Variants in MYG1 observed in about 807,000 individuals in gnomAD.
The protein encoded by MYG1 is UPF0160 protein MYG1, mitochondrial.
Under a neutral mutation model 43.5 loss-of-function variants are expected in MYG1, and 36 were observed. That is an observed-to-expected ratio of 0.83 (90% CI 0.63 to 1.09). The LOEUF (loss-of-function observed/expected upper bound fraction) is 1.09. Ranked by LOEUF, MYG1 falls within the 50% of genes least tolerant of loss-of-function variation. The pLI, the probability that MYG1 is intolerant of heterozygous loss-of-function variation, is 0.00. For missense variants in MYG1, 529 were observed against 495.1 expected (o/e 1.07, Z -0.65); for synonymous variants, 220 against 202.8 (o/e 1.08, Z -0.72).
intron 3 of MYG1, 87 bp from the exon 4 acceptor site, chr12:53,305,821 G>A (rs1944271149): frequency 6.8e-7 from 1 of 1,471,826 alleles, no homozygotes; most frequent in Non-Finnish European, 9.1e-7. Context: ...AGGGCTGAAA[G>A]AGTGTGTATG....
Position 53,306,780 on chromosome 12 carries a change from T to A in MYG1, c.866T>A (p.Ile289Asn). Residue 289 changes from isoleucine to asparagine, a missense_variant, in exon 6 of 7, where the codon ATC becomes AAC. By Grantham distance (149) the Ile-to-Asn change is moderately radical. Coordinates refer to ENST00000267103, the MANE Select transcript of MYG1 (RefSeq NM_021640.4). ...TCTGGGCTGTCCCCTCCAGTGGCCA[T>A]CTTCTTTGTTATCTACACTGACCAG... is the stretch of plus-strand genomic sequence containing the variant. ...LESGLSPPVA[I>N]FFVIYTDQAG... is the part of the protein sequence containing the mutation. The A allele has an allele frequency of 6.2e-7, 1 of 1,614,122 alleles. No homozygotes were observed. The highest frequency in any genetic ancestry group is 8.5e-7 in the Non-Finnish European group (1 of 1,180,030).
At chr12:53,305,811 A>G in intron 3 of MYG1, 97 bp from the exon 4 acceptor site, 2 of 1,440,740 alleles carry the variant, frequency 1.4e-6, no homozygotes, top group Middle Eastern at 1.9e-4. Flanking sequence ...AGATCCTCAC[A>G]GGGCTGAAAG....
chr12:53,304,201 G>A (rs1218153412), intron 3 of MYG1, among the ~76,000 whole-genome samples: 2 of 152,092 alleles, frequency 1.3e-5, no homozygotes, highest in African/African-American at 2.4e-5. Flanking sequence ...AGAGTTTTTG[G>A]AATATCAAGA....
At chr12:53,305,622 CAA>C (rs879623974) in intron 3 of MYG1, 9 of 264,620 alleles carry the variant, frequency 3.4e-5, no homozygotes, top group Non-Finnish European at 5.0e-5. Context: ...CTTCCTTGTT[CAA>C]AAGTTAGCAG....
At chr12:53,302,478 C>T (rs1213478251) in intron 2 of MYG1, among the ~76,000 whole-genome samples, 1 of 152,166 alleles carries the variant, frequency 6.6e-6, no homozygotes. Flanking sequence ...AGGTAATCTC[C>T]TTGCATCTGT....
rs947477968 is a variant in MYG1, at chr12:53,306,315, T to A, written c.760T>A (p.Phe254Ile). 4 of 1,614,186 alleles carry A rather than the reference T, an allele frequency of 2.5e-6. No homozygotes were observed. The East Asian group carries it at 8.9e-5, about 36-fold the overall frequency. The change falls in exon 5 of 7, where the codon TTC becomes ATC. Residue 254 changes from phenylalanine to isoleucine, a missense_variant. Phe to Ile is a conservative substitution (Grantham distance 21). Coordinates refer to ENST00000267103, the MANE Select transcript of MYG1 (RefSeq NM_021640.4). ...GGTGGAAGAGGCCCTTGCCCAGCGA[T>A]TCCAGGTATAGGCCTTGGAGGAGGC... ...ALVEEALAQR[F>I]QVDPSGEIVE... is the part of the protein sequence containing the mutation.
In MYG1 at chr12:53,306,248, AT is replaced by A. The variant is rs1944278340; in HGVS notation, c.695del (p.Leu232Ter). Reference protein sequence around the residue: ...DLVQEEFLQRLDFYQHSWLPA... With the variant: ...DLVQEEFLQRXDFYQHSWLPA... The stretch of plus-strand genomic sequence containing the variant: ...TGGTTCAAGAGGAGTTTCTGCAGAG[AT>A]TAGATTTCTACCAACACAGCTGGCT... On this transcript the variant is annotated frameshift_variant, in exon 5 of 7. Transcript: ENST00000267103. LOFTEE classifies it high-confidence loss of function. 6.2e-7 allele frequency: 1 copy of A among 1,614,224 alleles called. No homozygotes were observed. The highest frequency in any genetic ancestry group is 8.5e-7 in the Non-Finnish European group (1 of 1,180,048).
intron 3 of MYG1, among the ~76,000 whole-genome samples, chr12:53,304,931 G>C (rs1265194645): frequency 2.8e-5 from 4 of 142,060 alleles, no homozygotes; most frequent in South Asian, 4.5e-4. Context: ...TGCAGTGGCG[G>C]GATCTCGGCT....
Position 53,306,988 on chromosome 12 carries a change from C to CGGGGTCTTCGGGACGAGGCCCT in MYG1, c.973_994dup (p.Asp332GlyfsTer55). The stretch of plus-strand genomic sequence containing the variant: ...CAGGCTGCCCCTGCCAGAGCCATGG[C>CGGGGTCTTCGGGACGAGGCCCT]GGGGTCTTCGGGACGAGGCCCTGGA... On this transcript the variant is annotated frameshift_variant, in exon 7 of 7. Coordinates refer to ENST00000267103, the MANE Select transcript of MYG1 (RefSeq NM_021640.4). LOFTEE classifies it high-confidence loss of function. The CGGGGTCTTCGGGACGAGGCCCT allele has an allele frequency of 6.2e-7, 1 of 1,613,864 alleles. No individual in the cohort carries two copies.
At chr12:53,305,783 C>A in intron 3 of MYG1, 125 bp from the exon 4 acceptor site, 1 of 1,272,906 alleles carries the variant, frequency 7.9e-7, no homozygotes, top group Non-Finnish European at 1.1e-6. Flanking sequence ...TCCCTTTTCT[C>A]ATCCAGTTAA....
At chr12:53,300,075 T>A in intron 1 of MYG1, 75 bp from the exon 2 acceptor site, 1 of 1,524,606 alleles carries the variant, frequency 6.6e-7, no homozygotes, top group Admixed American at 1.9e-5. Context: ...CTACCCTTCC[T>A]GCCTCCCTGA....
chr12:53,303,318 C>T, intron 3 of MYG1, 125 bp downstream of exon 3: 1 of 997,326 alleles, frequency 1.0e-6, no homozygotes, highest in Non-Finnish European at 1.4e-6. Context: ...AGGCCCAACA[C>T]TCATCCTCTC....
Position 53,299,804 on chromosome 12 carries a change from C to T in MYG1, c.67C>T (p.His23Tyr), listed in dbSNP as rs1437960289. 1.2e-6 allele frequency: 2 copies of T among 1,614,144 alleles called. No individual in the cohort carries two copies. The highest frequency in any genetic ancestry group is 8.5e-7 in the Non-Finnish European group (1 of 1,180,014). The stretch of plus-strand genomic sequence containing the variant: ...GCCGCCGCCACCCCTGTATACCCGG[C>T]ACCGCATGCTCGGTCCAGAGTCCGT... ...LLPPPPLYTR[H>Y]RMLGPESVPP... The change falls in exon 1 of 7, where the codon CAC becomes TAC. Residue 23 changes from histidine (H) to tyrosine (Y), a missense_variant. Physicochemically the swap from His to Tyr is moderately conservative, Grantham distance 83. Coordinates refer to ENST00000267103, the MANE Select transcript of MYG1 (RefSeq NM_021640.4).
rs779844456 is a variant in MYG1, at chr12:53,300,407, C to T, written c.329+145C>T. 6.5e-6 allele frequency: 4 copies of T among 615,338 alleles called. No homozygotes were observed. In the East Asian group the frequency reaches 9.1e-5, roughly 14 times the overall value. The allele number at this position is 615,338 out of a possible 1,614,324, so 38.1% of individuals were successfully genotyped here. On this transcript the variant is annotated intron_variant, in intron 2 of 6. Transcript: ENST00000267103. ...AAACTCCCACTAGGACTACATCATCCTTCCGGCCCTGCCTGTTCTTCACCC... is the reference window on the plus strand; with the variant it reads ...AAACTCCCACTAGGACTACATCATCTTTCCGGCCCTGCCTGTTCTTCACCC...
rs921472207 is a variant in MYG1 at position 53,304,859 on chromosome 12, A to G, written c.490-1049A>G. ...GATCCTCCCACCTCAGCCTAAACCC[A>G]TGTTTTTTTTTTTTTTTTTTTTTTT... On this transcript the variant is annotated intron_variant, in intron 3 of 6. Coordinates refer to ENST00000267103, the MANE Select transcript of MYG1 (RefSeq NM_021640.4). 1.5e-4 allele frequency among the ~76,000 whole-genome samples: 16 copies of G among 108,066 alleles called. No individual in the cohort carries two copies. The Admixed American group carries it at 1.6e-3, about 11-fold the overall frequency. The allele number at this position is 108,066 out of a possible 152,430, so 70.9% of individuals were successfully genotyped here.
In MYG1 at chr12:53,299,856, A is replaced by G; in HGVS notation, c.119A>G (p.Lys40Arg). 2 of 1,614,124 alleles carry G rather than the reference A, an allele frequency of 1.2e-6. No individual in the cohort carries two copies. Among genetic ancestry groups the G allele is most frequent in the South Asian group, 1.1e-5 (1 of 91,086 alleles). The change falls in exon 1 of 7, where the codon AAA (lysine) becomes AGA (arginine). Residue 40 changes from lysine (K) to arginine (R), a missense_variant. Transcript: ENST00000267103. Reference protein sequence around the residue: ...SVPPPKRSRSKLMAPPRIGTH... With the variant: ...SVPPPKRSRSRLMAPPRIGTH... ...CCGCCCCCAAAACGATCCCGCAGCA[A>G]ACTCATGGCACCGCCCCGAATCGGG...
At position 53,306,918 on chromosome 12, in the gene MYG1, A is replaced by G. The variant is rs201220548; in HGVS notation, c.948-48A>G. 9.6e-5 allele frequency: 154 copies of G among 1,606,522 alleles called. No individual in the cohort carries two copies. In the East Asian group the frequency reaches 2.4e-3, roughly 25 times the overall value. ...TCAGGCTTGTCTCAGCCTTGTTAAG[A>G]GAAGGCTGCCAACTCTGACCCCTGC... On this transcript the variant is annotated intron_variant, in intron 6 of 6. Transcript: ENST00000267103.
chr12:53,306,507 C>T (rs1015793656), intron 5 of MYG1, 173 bp from the exon 6 acceptor site: 1 of 1,074,902 alleles, frequency 9.3e-7, no homozygotes, highest in Non-Finnish European at 1.3e-6. Flanking sequence ...CCTCACCCAG[C>T]TAATTTTTGT....
rs1489067978 is a variant in MYG1, at chr12:53,299,752, C to T, written c.15C>T (p.Phe5=). 1.9e-6 allele frequency: 3 copies of T among 1,613,502 alleles called. No homozygotes were observed. Among genetic ancestry groups the T allele is most frequent in the East Asian group, 2.2e-5 (1 of 44,832 alleles). The change falls in exon 1 of 7, where the codon TTC becomes TTT. Residue 5 remains phenylalanine (F), a synonymous_variant. Transcript: ENST00000267103. MGHQ[F]LRGLLTLLLP... is the part of the protein sequence containing the mutation. ...GGGAGCTGCTTATGGGACACCAATT[C>T]CTGCGCGGCCTCTTAACGCTGCTGC...
Sources: allele counts gnomAD v4.1 joint callset (sites outside exome capture counted in the v4.1 genomes callset), GRCh38; gene constraint gnomAD v4.1.1; transcripts MANE v1.5; gene names NCBI Gene and HGNC (gene_info 2026-07-23, HGNC 2026-07-21).